Variants in NR6A1 observed in about 807,000 individuals in gnomAD.
NR6A1 encodes the protein nuclear receptor subfamily 6 group A member 1.
NR6A1 carries 7 observed loss-of-function variants against 59.1 expected under a neutral mutation model. That is an observed-to-expected ratio of 0.12 (90% CI 0.07 to 0.22). The LOEUF is 0.22. Ranked by LOEUF, NR6A1 falls within the 10% of genes least tolerant of loss-of-function variation. NR6A1 has a pLI of 1.00. For synonymous variants in NR6A1, 243 were observed against 236.1 expected, an observed-to-expected ratio of 1.03 and a Z score of -0.27; for missense variants, 468 against 611.6, an observed-to-expected ratio of 0.77 and a Z score of 2.48.
chr9:124,554,097 T>G (rs2131385383), intron 3 of NR6A1, among the ~76,000 whole-genome samples: 1 of 152,316 alleles, frequency 6.6e-6, no homozygotes, highest in Middle Eastern at 3.4e-3. Context: ...AGTGGGTTCT[T>G]GGTCACACAG....
At chr9:124,626,763 G>A (rs1367722289) in intron 2 of NR6A1, among the ~76,000 whole-genome samples, 6 of 151,838 alleles carry the variant, frequency 4.0e-5, no homozygotes, top group East Asian at 1.9e-4. Flanking sequence ...GTGAAACCCC[G>A]TCTCTACTAA....
At chr9:124,666,362 T>C (rs920889324) in intron 2 of NR6A1, among the ~76,000 whole-genome samples, 3 of 143,270 alleles carry the variant, frequency 2.1e-5, no homozygotes, top group Non-Finnish European at 4.5e-5. Context: ...CACTGTAACC[T>C]CCACCTCCCA....
intron 8 of NR6A1, among the ~76,000 whole-genome samples, chr9:124,525,599 C>T (rs112538672): frequency 0.018 from 2,761 of 152,134 alleles, 75 homozygotes; most frequent in African/African-American, 0.062. Flanking sequence ...TCAAGTGATC[C>T]TCCTGCCTTG....
At chr9:124,727,269 A>T (rs939492731) in intron 2 of NR6A1, among the ~76,000 whole-genome samples, 1 of 152,226 alleles carries the variant, frequency 6.6e-6, no homozygotes, top group African/African-American at 2.4e-5. Flanking sequence ...AGTTTTACAC[A>T]ATTGTTTGTA....
rs185268844 is a variant in NR6A1 at position 124,518,334 on chromosome 9, T to C, written c.*4371A>G. The C allele has an allele frequency of 2.0e-5, 3 of 151,752 alleles. No homozygotes were observed. Among genetic ancestry groups the C allele is most frequent in the East Asian group, 3.9e-4 (2 of 5,142 alleles). The allele number at this position is 151,752 out of a possible 1,614,324, so 9.4% of individuals were successfully genotyped here. On this transcript the variant is annotated 3_prime_UTR_variant, in exon 10 of 10. Transcript: ENST00000487099. ...TTCAAGTCTCATGGTGGCCCAGGTC[T>C]GGCCAAAGCAGAAGCCCCAGCTTGC...
At chr9:124,734,792 C>T (rs964141280) in intron 1 of NR6A1, among the ~76,000 whole-genome samples, 9 of 152,184 alleles carry the variant, frequency 5.9e-5, no homozygotes, top group Non-Finnish European at 8.8e-5. Flanking sequence ...AACAACTAGC[C>T]GTCATATGGG....
intron 1 of NR6A1, among the ~76,000 whole-genome samples, chr9:124,749,262 C>CAA (rs775689576): frequency 3.6e-4 from 34 of 94,822 alleles, no homozygotes; most frequent in African/African-American, 1.1e-3. Flanking sequence ...AACTCCATTT[C>CAA]AAAAAAAAAA....
intron 2 of NR6A1, among the ~76,000 whole-genome samples, chr9:124,731,184 A>G (rs1839874013): frequency 6.6e-6 from 1 of 152,176 alleles, no homozygotes; most frequent in South Asian, 2.1e-4. Flanking sequence ...AACCTGACCA[A>G]TATGGTGAAA....
chr9:124,538,657 G>T (rs1310916724), intron 5 of NR6A1, among the ~76,000 whole-genome samples: 3 of 152,114 alleles, frequency 2.0e-5, no homozygotes, highest in African/African-American at 7.2e-5. Context: ...TGACAAAGTA[G>T]GTATTTATAT....
intron 2 of NR6A1, among the ~76,000 whole-genome samples, chr9:124,635,799 G>T (rs1488497321): frequency 6.6e-6 from 1 of 152,088 alleles, no homozygotes; most frequent in African/African-American, 2.4e-5. Context: ...CCATGTTTTG[G>T]CAATTATGAA....
chr9:124,579,620 T>C (rs1834703257), intron 2 of NR6A1, among the ~76,000 whole-genome samples: 2 of 152,014 alleles, frequency 1.3e-5, no homozygotes, highest in Non-Finnish European at 2.9e-5. Flanking sequence ...TATCAAGTGA[T>C]GGTGAAAATG....
In NR6A1 at chr9:124,588,957, T is replaced by C. The variant is rs376644826; in HGVS notation, c.143-34387A>G. ...AAGAAAGAAAAAAAAAACAGTATAA[T>C]GTGATGGTCAGTTTCTTAAGGTAAC... On this transcript the variant is annotated intron_variant, in intron 2 of 9. Coordinates refer to ENST00000487099, the MANE Select transcript of NR6A1 (RefSeq NM_033334.4). 4.8e-5 allele frequency among the ~76,000 whole-genome samples: 7 copies of C among 146,672 alleles called. No homozygotes were observed. In the East Asian group the frequency reaches 1.4e-3, roughly 30 times the overall value.
At chr9:124,584,653 G>T (rs959237633) in intron 2 of NR6A1, among the ~76,000 whole-genome samples, 1 of 152,050 alleles carries the variant, frequency 6.6e-6, no homozygotes, top group Non-Finnish European at 1.5e-5. Flanking sequence ...GAACTTAATC[G>T]AAAAATGTTG....
At position 124,519,677 on chromosome 9, in the gene NR6A1, G is replaced by A. The variant is rs1832756865; in HGVS notation, c.*3028C>T. 1.3e-5 allele frequency: 2 copies of A among 152,148 alleles called. No individual in the cohort carries two copies. The highest frequency in any genetic ancestry group is 4.8e-5 in the African/African-American group (2 of 41,414). The allele number at this position is 152,148 out of a possible 1,614,324, so 9.4% of individuals were successfully genotyped here. On this transcript the variant is annotated 3_prime_UTR_variant, in exon 10 of 10. Transcript: ENST00000487099. The stretch of plus-strand genomic sequence containing the variant: ...GCACTTTGGGAGGCCGAGGCAGGCG[G>A]ATCACGAGGTCAGGAGATGGAGACC...
chr9:124,585,544 A>C (rs1158998594), intron 2 of NR6A1, among the ~76,000 whole-genome samples: 2 of 25,486 alleles, frequency 7.8e-5, no homozygotes, highest in African/African-American at 1.8e-4. Flanking sequence ...ACTCCATCTC[A>C]AAAAAAAAAA....
chr9:124,727,864 T>C (rs1378549244), intron 2 of NR6A1, among the ~76,000 whole-genome samples: 1 of 151,982 alleles, frequency 6.6e-6, no homozygotes, highest in Non-Finnish European at 1.5e-5. Flanking sequence ...TTTTGCATTT[T>C]AGTAGAGACG....
chr9:124,539,998 C>CT (rs1554725400), intron 5 of NR6A1, 35 bp downstream of exon 5: 3 of 1,568,698 alleles, frequency 1.9e-6, no homozygotes, highest in South Asian at 2.4e-5. Context: ...TGGGGGATCC[C>CT]TAGATGATGA....
intron 2 of NR6A1, among the ~76,000 whole-genome samples, chr9:124,630,782 G>C (rs750907086): frequency 6.9e-6 from 1 of 144,100 alleles, no homozygotes; most frequent in Non-Finnish European, 1.5e-5. Flanking sequence ...GGGTTCAAGC[G>C]ATTCTCCTGC....
intron 1 of NR6A1, among the ~76,000 whole-genome samples, chr9:124,737,028 C>G (rs1301534763): frequency 6.6e-6 from 1 of 152,154 alleles, no homozygotes; most frequent in Non-Finnish European, 1.5e-5. Flanking sequence ...ATGGCATCAT[C>G]CTCAAAGACC....
Sources: allele counts gnomAD v4.1 joint callset (sites outside exome capture counted in the v4.1 genomes callset), GRCh38; gene constraint gnomAD v4.1.1; transcripts MANE v1.5; gene names NCBI Gene and HGNC (gene_info 2026-07-23, HGNC 2026-07-21).